Variants in ARAP1 observed in about 807,000 individuals in gnomAD.
ARAP1 encodes arf-GAP with Rho-GAP domain, ANK repeat and PH domain-containing protein 1.
In ARAP1, 76 loss-of-function variants were observed where a neutral mutation model predicts 172.2. The observed-to-expected ratio is 0.44, with a 90% confidence interval of 0.37 to 0.53. The LOEUF (loss-of-function observed/expected upper bound fraction) is 0.53. Among genes scored for constraint, ARAP1 ranks in the 20% least tolerant of loss-of-function variants. ARAP1 has a pLI of 0.00. For synonymous variants in ARAP1, 804 were observed against 803.3 expected (o/e 1.00, Z -0.01); for missense variants, 1,686 against 1,977.5 (o/e 0.85, Z 2.80).
intron 3 of ARAP1, chr11:72,721,943 C>G: frequency 1.0e-6 from 1 of 986,546 alleles, no homozygotes; most frequent in Admixed American, 6.1e-5. Context: ...CCTGCCCGTG[C>G]AAGCCTGGGT....
intron 1 of ARAP1, among the ~76,000 whole-genome samples, chr11:72,751,589 A>G (rs7122044): frequency 0.29 from 44,774 of 151,800 alleles, 7,263 homozygotes; most frequent in African/African-American, 0.4. Flanking sequence ...ACCCCCAGGT[A>G]TCTGGCCCTG....
rs764057546 is a variant in ARAP1, at chr11:72,726,498, C to T, written c.509+122G>A. 32 of 1,297,868 alleles carry T rather than the reference C, an allele frequency of 2.5e-5. No homozygotes were observed. The highest frequency in any genetic ancestry group is 2.9e-5 in the Admixed American group (1 of 34,866). 80.4% of individuals were successfully genotyped at this position (1,297,868 alleles called of 1,614,324 possible). ...AATCCTGTCCTCCGAGCTTTGCACACGCTGTTCCCCCTGCACTTCCGAAGT... is the reference window on the plus strand; with the variant it reads ...AATCCTGTCCTCCGAGCTTTGCACATGCTGTTCCCCCTGCACTTCCGAAGT... On this transcript the variant is annotated intron_variant, in intron 3 of 34. Coordinates refer to ENST00000393609, the MANE Select transcript of ARAP1 (RefSeq NM_001040118.3). This position sits in a 1 kb window ranked among gnomAD's most constrained non-coding sequence, Gnocchi z 6.5.
chr11:72,731,260 C>T (rs1242381634), intron 2 of ARAP1, among the ~76,000 whole-genome samples: 3 of 152,098 alleles, frequency 2.0e-5, no homozygotes, highest in Non-Finnish European at 4.4e-5. Flanking sequence ...GATGTTTGTC[C>T]CCTCCAAATT....
rs1857174056 is a variant in ARAP1 at position 72,714,222 on chromosome 11, G to A, written c.609C>T (p.Pro203=). The A allele has an allele frequency of 2.6e-6, 4 of 1,523,874 alleles. No homozygotes were observed. Among genetic ancestry groups the A allele is most frequent in the Middle Eastern group, 1.7e-4 (1 of 5,742 alleles). 94.4% of individuals were successfully genotyped at this position (1,523,874 alleles called of 1,614,324 possible). ...GGCAGGGAGGTGGAGAGGGAGGCTG[G>A]GGAGGCCCCTGGGGGAGGGTGGACA... ...EPLSTLPQGP[P]QPPSPPPCPP... The change falls in exon 4 of 35, where the codon CCC becomes CCT. Residue 203 remains proline, a synonymous_variant. Transcript: ENST00000393609.
chr11:72,751,178 G>T (rs1858520951), intron 1 of ARAP1, among the ~76,000 whole-genome samples: 1 of 152,044 alleles, frequency 6.6e-6, no homozygotes, highest in Admixed American at 6.5e-5. Context: ...GTAGCCAATG[G>T]GGAGGCAAGG....
Position 72,710,862 on chromosome 11 carries a change from G to A in ARAP1, c.1213+159C>T, listed in dbSNP as rs1856981963. On this transcript the variant is annotated intron_variant, in intron 9 of 34. Coordinates refer to ENST00000393609, the MANE Select transcript of ARAP1 (RefSeq NM_001040118.3). This position sits in a 1 kb window ranked among gnomAD's most constrained non-coding sequence, Gnocchi z 4.3. The stretch of plus-strand genomic sequence containing the variant: ...GCCAAGCACAGAGCCGGTCACAGAG[G>A]GTGCCCCCTTCCTCTGCCCACCTCA... 6.6e-6 allele frequency among the ~76,000 whole-genome samples: 1 copy of A among 152,194 alleles called. No homozygotes were observed. The highest frequency in any genetic ancestry group is 6.5e-5 in the Admixed American group (1 of 15,276).
chr11:72,687,032 C>G (rs1855720683), intron 33 of ARAP1, among the ~76,000 whole-genome samples: 2 of 152,206 alleles, frequency 1.3e-5, no homozygotes, highest in Non-Finnish European at 2.9e-5. Context: ...ATCTCTGGAC[C>G]TTTGCCTAAA....
chr11:72,734,860 T>C (rs1857968833), intron 1 of ARAP1, among the ~76,000 whole-genome samples: 1 of 148,852 alleles, frequency 6.7e-6, no homozygotes, highest in Non-Finnish European at 1.5e-5. Flanking sequence ...AAAAAAAGAA[T>C]GCAAAATATC....
intron 4 of ARAP1, 146 bp from the exon 5 acceptor site, chr11:72,713,389 G>C: frequency 1.4e-6 from 1 of 697,906 alleles, no homozygotes; most frequent in African/African-American, 1.8e-5. Context: ...ACAGGGGACA[G>C]GAAGTGCGAT....
At position 72,695,399 on chromosome 11, in the gene ARAP1, C is replaced by T; in HGVS notation, c.3564G>A (p.Glu1188=). 2 of 1,614,222 alleles carry T rather than the reference C, an allele frequency of 1.2e-6. No homozygotes were observed. The highest frequency in any genetic ancestry group is 1.7e-6 in the Non-Finnish European group (2 of 1,180,046). ...VYLEEKKAET[E]QHIKVPASMT... Reference sequence around the variant, plus strand: ...TCCCAGCACCTACCTTGATATGCTGCTCAGTCTCTGCCTTCTTCTCTTCCA... The same window carrying T: ...TCCCAGCACCTACCTTGATATGCTGTTCAGTCTCTGCCTTCTTCTCTTCCA... The change falls in exon 26 of 35, where the codon GAG becomes GAA. Residue 1188 remains glutamate, a synonymous_variant. Coordinates refer to ENST00000393609, the MANE Select transcript of ARAP1 (RefSeq NM_001040118.3). This position sits in a 1 kb window ranked among gnomAD's most constrained non-coding sequence, Gnocchi z 4.4.
intron 2 of ARAP1, 61 bp from the exon 3 acceptor site, chr11:72,727,233 A>G: frequency 5.2e-6 from 7 of 1,357,588 alleles, no homozygotes; most frequent in Admixed American, 2.6e-5. Context: ...TCCCCTCACC[A>G]GCAGCCTGCA....
chr11:72,709,185 C>G (rs1403406195), intron 11 of ARAP1, among the ~76,000 whole-genome samples: 1 of 152,172 alleles, frequency 6.6e-6, no homozygotes, highest in Non-Finnish European at 1.5e-5. Flanking sequence ...CAGAAAGATC[C>G]CGCTGGAGAC....
At position 72,693,090 on chromosome 11, in the gene ARAP1, G is replaced by A; in HGVS notation, c.3954+235C>T. The A allele has an allele frequency of 1.5e-6, 1 of 657,626 alleles. No homozygotes were observed. The highest frequency in any genetic ancestry group is 2.6e-6 in the Non-Finnish European group (1 of 385,916). The allele number at this position is 657,626 out of a possible 1,614,324, so 40.7% of individuals were successfully genotyped here. A position where few individuals can be genotyped will look rare whatever the true frequency, so the allele number is the denominator to read the frequency against. On this transcript the variant is annotated intron_variant, in intron 29 of 34. Coordinates refer to ENST00000393609, the MANE Select transcript of ARAP1 (RefSeq NM_001040118.3). This position sits in a 1 kb window ranked among gnomAD's most constrained non-coding sequence, Gnocchi z 4.6. ...GCACAGTGAGACAGAGCATGGGCATGGAGTGGTGTGATGGCATCCGGGTGC... is the reference window on the plus strand; with the variant it reads ...GCACAGTGAGACAGAGCATGGGCATAGAGTGGTGTGATGGCATCCGGGTGC...
chr11:72,685,886 A>G, intron 34 of ARAP1, 156 bp downstream of exon 34: 1 of 1,436,622 alleles, frequency 7.0e-7, no homozygotes, highest in Non-Finnish European at 9.7e-7. Flanking sequence ...AATGGTGTGA[A>G]CCAAAGAGGC....
intron 1 of ARAP1, among the ~76,000 whole-genome samples, chr11:72,748,889 T>G (rs913223193): frequency 6.6e-6 from 1 of 152,190 alleles, no homozygotes; most frequent in Non-Finnish European, 1.5e-5. Flanking sequence ...AGCGGCAGCC[T>G]CTGAGTTTTG....
In ARAP1 at chr11:72,703,415, G is replaced by GGGGGCGC. The variant is rs71469439; in HGVS notation, c.1993-337_1993-336insGCGCCCC. 6 of 145,428 alleles carry GGGGGCGC rather than the reference G, an allele frequency of 4.1e-5. No homozygotes were observed. In the South Asian group the frequency reaches 9.0e-4, roughly 22 times the overall value. 9.0% of individuals were successfully genotyped at this position (145,428 alleles called of 1,614,324 possible). A position where few individuals can be genotyped will look rare whatever the true frequency, so the allele number is the denominator to read the frequency against. Reference sequence around the variant, plus strand: ...TCTGCCTTGTGGAGGAGCCGGGGGGGGGGTGTGCTTTGTAGCTAATTCCTC... The same window carrying GGGGGCGC: ...TCTGCCTTGTGGAGGAGCCGGGGGGGGGGGCGCGGGTGTGCTTTGTAGCTAATTCCTC... On this transcript the variant is annotated intron_variant, in intron 14 of 34. Transcript: ENST00000393609.
chr11:72,733,037 G>C (rs1019061450), intron 1 of ARAP1, among the ~76,000 whole-genome samples: 1 of 152,156 alleles, frequency 6.6e-6, no homozygotes, highest in African/African-American at 2.4e-5. Flanking sequence ...AAGAGGAAGA[G>C]AAGGAAGAGG....
chr11:72,696,226 G>A (rs568878230), intron 23 of ARAP1, among the ~76,000 whole-genome samples: 39 of 152,282 alleles, frequency 2.6e-4, no homozygotes, highest in African/African-American at 7.9e-4. Flanking sequence ...TCCCATGCAC[G>A]GTTCACAATA....
chr11:72,691,027 G>A (rs1013385408), intron 30 of ARAP1, among the ~76,000 whole-genome samples: 15 of 152,250 alleles, frequency 9.9e-5, no homozygotes, highest in African/African-American at 3.4e-4. Context: ...TCTCTGGGGT[G>A]TGAAGAGCAC....
Sources: gnomAD v4.1 joint callset for allele counts (sites outside exome capture counted in the v4.1 genomes callset) on GRCh38, gnomAD v4.1.1 for gene constraint, Gnocchi (gnomAD v3.1) non-coding constraint, MANE v1.5 for transcripts, NCBI Gene and HGNC (gene_info 2026-07-23, HGNC 2026-07-21) for gene names.